The following SPATA22 variants were observed in gnomAD, a reference collection of about 807,000 sequenced individuals.
SPATA22 encodes the protein spermatogenesis associated 22.
In SPATA22, 29 loss-of-function variants were observed where a neutral mutation model predicts 47.8. The ratio of observed to expected loss-of-function variants is 0.61; its 90% CI spans 0.45 to 0.83. SPATA22 has a LOEUF of 0.83. Ranked by LOEUF, SPATA22 falls within the 40% of genes least tolerant of loss-of-function variation. SPATA22 has a pLI of 0.00. For synonymous variants in SPATA22, 133 were observed against 140.9 expected, an observed-to-expected ratio of 0.94 and a Z score of 0.40; for missense variants, 410 against 421.7, an observed-to-expected ratio of 0.97 and a Z score of 0.24.
chr17:3,492,421 G>T (rs1033053531), intron 1 of SPATA22, among the ~76,000 whole-genome samples: 5 of 152,174 alleles, frequency 3.3e-5, no homozygotes, highest in Non-Finnish European at 5.9e-5. Context: ...ATGAGATCTG[G>T]TAAGTTCCCA....
intron 1 of SPATA22, chr17:3,494,448 C>A (rs765897003): frequency 6.2e-7 from 1 of 1,602,208 alleles, no homozygotes; most frequent in Non-Finnish European, 8.6e-7. Flanking sequence ...TATCATCCAT[C>A]CTAATCTGCA....
Position 3,491,750 on chromosome 17 carries a change from AAAAAAAAG to A in SPATA22, c.-74+21654_-74+21661del, listed in dbSNP as rs1290878153. Among the ~76,000 whole-genome samples, 1,189 of 151,618 alleles carry A rather than the reference AAAAAAAAG, an allele frequency of 7.8e-3. 15 individuals are homozygous for A. Among genetic ancestry groups the A allele is most frequent in the Non-Finnish European group, 9.6e-3 (655 of 67,972 alleles). On this transcript the variant is annotated intron_variant, in intron 1 of 8. Transcript: ENST00000541913. ...GTGACAGAGTGAGACTGTCTCAAAA[AAAAAAAAG>A]AAAGAAAGAAAGAAGTCTACATTAG...
intron 1 of SPATA22, chr17:3,503,426 T>G (rs2074012574): frequency 6.6e-6 from 1 of 152,236 alleles, no homozygotes; most frequent in African/African-American, 2.4e-5. Context: ...AAAATGTGAT[T>G]TATCAGCTTT....
chr17:3,448,703 T>C, intron 6 of SPATA22, 104 bp downstream of exon 6: 1 of 790,016 alleles, frequency 1.3e-6, no homozygotes, highest in Non-Finnish European at 1.9e-6. Context: ...GTAATGTATG[T>C]CATGGAATTT....
intron 2 of SPATA22, 93 bp from the exon 3 acceptor site, chr17:3,467,647 T>C: frequency 1.1e-6 from 1 of 900,362 alleles, no homozygotes; most frequent in Non-Finnish European, 1.6e-6. Flanking sequence ...ACTTTACATT[T>C]ATCTACTTCT....
At chr17:3,504,554 C>CT (rs34155812) in intron 1 of SPATA22, among the ~76,000 whole-genome samples, 28 of 138,662 alleles carry the variant, frequency 2.0e-4, no homozygotes, top group African/African-American at 7.6e-4. Context: ...ATTTTCTTTT[C>CT]TTTTTTTTTT....
intron 5 of SPATA22, among the ~76,000 whole-genome samples, chr17:3,452,439 A>C (rs2072884996): frequency 6.6e-6 from 1 of 152,018 alleles, no homozygotes; most frequent in South Asian, 2.1e-4. Flanking sequence ...TAAAAATATA[A>C]AAATTAGCTG....
At chr17:3,469,566 C>A (rs2073382713) in intron 1 of SPATA22, among the ~76,000 whole-genome samples, 168 bp from the exon 2 acceptor site, 1 of 152,192 alleles carries the variant, frequency 6.6e-6, no homozygotes, top group African/African-American at 2.4e-5. Flanking sequence ...ACTTTTCCAA[C>A]CCTGTTCAAA....
In SPATA22 at chr17:3,469,384, A is replaced by T; in HGVS notation, c.-59T>A. 5 of 1,352,226 alleles carry T rather than the reference A, an allele frequency of 3.7e-6. No homozygotes were observed. The highest frequency in any genetic ancestry group is 5.1e-6 in the Non-Finnish European group (5 of 981,018). 83.8% of individuals were successfully genotyped at this position (1,352,226 alleles called of 1,614,324 possible). The stretch of plus-strand genomic sequence containing the variant: ...CAGCATTCCAAATTTATAATATGAC[A>T]TTGTCCCACTAGACCTGCAAAGAAA... On this transcript the variant is annotated 5_prime_UTR_variant, in exon 2 of 9. It removes an upstream start codon present in the reference 5' UTR. Transcript: ENST00000572969.
At chr17:3,443,044 C>T in intron 8 of SPATA22, 130 bp downstream of exon 8, 1 of 641,154 alleles carries the variant, frequency 1.6e-6, no homozygotes, top group Non-Finnish European at 2.6e-6. Flanking sequence ...AAACAACTTT[C>T]ATATCAGAAC....
chr17:3,478,902 A>G (rs2073579769), intron 1 of SPATA22, among the ~76,000 whole-genome samples: 1 of 151,986 alleles, frequency 6.6e-6, no homozygotes, highest in Non-Finnish European at 1.5e-5. Context: ...AAGTCCTCCC[A>G]ATTATTCCTT....
chr17:3,467,565 T>C lies in SPATA22; in HGVS notation c.44-11A>G, dbSNP rs373404775. On this transcript the variant is annotated splice_polypyrimidine_tract_variant and intron_variant, in intron 2 of 8. Transcript: ENST00000572969. ...GAACAGGCAAACAGCCTAAATTGAA[T>C]GTACCAATAAATTAGTACATAATAG... The C allele has an allele frequency of 3.8e-6, 6 of 1,599,330 alleles. No homozygotes were observed. Among genetic ancestry groups the C allele is most frequent in the Non-Finnish European group, 5.1e-6 (6 of 1,173,460 alleles).
At chr17:3,450,495 A>T (rs1254749793) in intron 5 of SPATA22, among the ~76,000 whole-genome samples, 3 of 152,174 alleles carry the variant, frequency 2.0e-5, no homozygotes, top group African/African-American at 7.2e-5. Context: ...TCCTACACTG[A>T]TCACTTCTTC....
intron 5 of SPATA22, among the ~76,000 whole-genome samples, chr17:3,453,672 C>T (rs1395372752): frequency 6.6e-6 from 1 of 152,094 alleles, no homozygotes; most frequent in Non-Finnish European, 1.5e-5. Context: ...ACTCGAAATG[C>T]TCCAAAATTT....
intron 3 of SPATA22, among the ~76,000 whole-genome samples, chr17:3,463,344 G>C (rs968374893): frequency 6.6e-6 from 1 of 152,174 alleles, no homozygotes; most frequent in African/African-American, 2.4e-5. Context: ...TACACACCTA[G>C]GCTATATGTT....
intron 5 of SPATA22, among the ~76,000 whole-genome samples, chr17:3,452,675 A>G (rs1217733293): frequency 6.6e-6 from 1 of 152,094 alleles, no homozygotes; most frequent in Non-Finnish European, 1.5e-5. Context: ...AAAAAGAAAA[A>G]AGAAGATTTA....
At chr17:3,505,471 A>G (rs573439913) in intron 1 of SPATA22, among the ~76,000 whole-genome samples, 1 of 152,264 alleles carries the variant, frequency 6.6e-6, no homozygotes, top group East Asian at 1.9e-4. Flanking sequence ...CTTCCCTCAC[A>G]AGGGTGACCC....
intron 1 of SPATA22, chr17:3,499,282 T>G: frequency 2.0e-6 from 1 of 499,660 alleles, no homozygotes; most frequent in Non-Finnish European, 3.4e-6. Flanking sequence ...TGTATGTAGC[T>G]TATTCAAAGA....
intron 5 of SPATA22, among the ~76,000 whole-genome samples, chr17:3,462,011 C>G (rs1477523276): frequency 1.3e-5 from 2 of 152,220 alleles, no homozygotes; most frequent in Admixed American, 1.3e-4. Flanking sequence ...TGAGCCCCTA[C>G]TATTGCAGAT....
Sources: allele counts gnomAD v4.1 joint callset (sites outside exome capture counted in the v4.1 genomes callset), GRCh38; gene constraint gnomAD v4.1.1; transcripts MANE v1.5; gene names NCBI Gene and HGNC (gene_info 2026-07-23, HGNC 2026-07-21).